Variants in VPS41 observed in about 807,000 individuals in gnomAD.
The protein encoded by VPS41 is VPS41 subunit of HOPS complex.
A neutral mutation model predicts 130.9 loss-of-function variants in VPS41; 85 were observed. The observed-to-expected ratio is 0.65, with a 90% CI of 0.55 to 0.78. The LOEUF (loss-of-function observed/expected upper bound fraction) is 0.78, where lower values mean the gene tolerates loss of function less well. VPS41 is among the 30% of genes least tolerant of loss of function. The pLI, the probability that VPS41 is intolerant of heterozygous loss-of-function variation, is 0.00. For synonymous variants in VPS41, 335 were observed against 332.9 expected, an observed-to-expected ratio of 1.01 and a Z score of -0.07; for missense variants, 874 against 1,018.7, an observed-to-expected ratio of 0.86 and a Z score of 1.93.
At chr7:38,869,290 GATTT>G (rs768004530) in intron 2 of VPS41, 37 bp from the exon 3 acceptor site, 2 of 1,477,210 alleles carry the variant, frequency 1.4e-6, no homozygotes, top group Non-Finnish European at 1.9e-6. Flanking sequence ...ACCCGTCAGA[GATTT>G]ATTTGTTTTG....
intron 4 of VPS41, among the ~76,000 whole-genome samples, chr7:38,836,701 T>C (rs1785503071): frequency 6.6e-6 from 1 of 151,976 alleles, no homozygotes; most frequent in Non-Finnish European, 1.5e-5. Context: ...TGTGCATAAA[T>C]TGTAGGTAAA....
chr7:38,868,799 G>T (rs1191980444), intron 3 of VPS41, among the ~76,000 whole-genome samples: 1 of 152,098 alleles, frequency 6.6e-6, no homozygotes, highest in East Asian at 1.9e-4. Flanking sequence ...TAAAAGCACT[G>T]AGCTTCCCAT....
At chr7:38,736,106 T>C (rs1458488707) in intron 25 of VPS41, among the ~76,000 whole-genome samples, 2 of 152,242 alleles carry the variant, frequency 1.3e-5, no homozygotes, top group African/African-American at 4.8e-5. Flanking sequence ...TAACATTAAA[T>C]ATGCAGCTGT....
At chr7:38,776,903 T>G in intron 10 of VPS41, 127 bp from the exon 11 acceptor site, 1 of 524,858 alleles carries the variant, frequency 1.9e-6, no homozygotes, top group Non-Finnish European at 3.5e-6. Context: ...GGGACACCGT[T>G]GAACATACTT....
At chr7:38,884,121 T>C (rs1029809190) in intron 2 of VPS41, among the ~76,000 whole-genome samples, 3 of 152,230 alleles carry the variant, frequency 2.0e-5, no homozygotes, top group East Asian at 1.9e-4. Context: ...TTTCAATAAA[T>C]GATTCATAAT....
intron 4 of VPS41, among the ~76,000 whole-genome samples, chr7:38,848,389 T>A (rs1043777442): frequency 7.9e-5 from 12 of 152,066 alleles, no homozygotes; most frequent in South Asian, 2.1e-4. Flanking sequence ...AAGCTTCTCT[T>A]TTTTTCCCCT....
chr7:38,853,418 CAAAA>C (rs57368681), intron 4 of VPS41, among the ~76,000 whole-genome samples: 1 of 78,940 alleles, frequency 1.3e-5, no homozygotes. Flanking sequence ...GACTCCTTCT[CAAAA>C]AAAAAAAAAA....
intron 1 of VPS41, among the ~76,000 whole-genome samples, chr7:38,902,562 G>A (rs959503438): frequency 5.3e-5 from 8 of 152,120 alleles, no homozygotes; most frequent in African/African-American, 1.7e-4. Context: ...GCAGCTGAGC[G>A]GTTACACCCA....
chr7:38,810,041 T>C (rs1487897866), intron 7 of VPS41, among the ~76,000 whole-genome samples: 3 of 152,100 alleles, frequency 2.0e-5, no homozygotes, highest in Non-Finnish European at 2.9e-5. Flanking sequence ...ACAAAAAAAA[T>C]TCATTGGTTC....
chr7:38,890,694 T>C (rs1257594612), intron 2 of VPS41, among the ~76,000 whole-genome samples: 2 of 152,130 alleles, frequency 1.3e-5, no homozygotes, highest in Non-Finnish European at 2.9e-5. Flanking sequence ...CCCTTTTTTT[T>C]TTTCTTTTAG....
intron 2 of VPS41, among the ~76,000 whole-genome samples, chr7:38,893,278 C>T (rs148169289): frequency 1.4e-3 from 207 of 152,334 alleles, no homozygotes; most frequent in Middle Eastern, 6.8e-3. Flanking sequence ...AGTCTCTGCA[C>T]ATACATTCCC....
intron 5 of VPS41, among the ~76,000 whole-genome samples, chr7:38,829,222 C>T (rs1785337565): frequency 1.3e-5 from 2 of 152,150 alleles, no homozygotes; most frequent in Admixed American, 1.3e-4. Flanking sequence ...GTTCCAATTA[C>T]TGTTTCAAAA....
intron 9 of VPS41, among the ~76,000 whole-genome samples, chr7:38,792,871 G>C (rs1224844601): frequency 6.6e-6 from 1 of 151,766 alleles, no homozygotes; most frequent in African/African-American, 2.4e-5. Context: ...CACTCACTCT[G>C]ACACAAACAG....
intron 9 of VPS41, among the ~76,000 whole-genome samples, chr7:38,794,265 G>A (rs980524615): frequency 5.9e-5 from 9 of 152,086 alleles, no homozygotes; most frequent in African/African-American, 1.2e-4. Flanking sequence ...TCCATCCTAC[G>A]ATATAGGCAC....
chr7:38,846,206 A>G (rs1785720097), intron 4 of VPS41, among the ~76,000 whole-genome samples: 1 of 152,250 alleles, frequency 6.6e-6, no homozygotes, highest in African/African-American at 2.4e-5. Flanking sequence ...TACTTTGAAC[A>G]CAACTCTATT....
intron 4 of VPS41, among the ~76,000 whole-genome samples, chr7:38,850,126 A>G (rs1245499887): frequency 6.6e-6 from 1 of 152,338 alleles, no homozygotes; most frequent in Non-Finnish European, 1.5e-5. Context: ...AGTTGTGTCC[A>G]AACTTTCTAT....
At chr7:38,743,684 G>A (rs2115648363) in intron 23 of VPS41, 142 bp from the exon 24 acceptor site, 1 of 913,610 alleles carries the variant, frequency 1.1e-6, no homozygotes, top group East Asian at 2.6e-5. Context: ...AACATTTACT[G>A]TCTATAACAT....
At chr7:38,851,323 CCT>C (rs2116264981) in intron 4 of VPS41, among the ~76,000 whole-genome samples, 1 of 152,294 alleles carries the variant, frequency 6.6e-6, no homozygotes, top group East Asian at 1.9e-4. Flanking sequence ...TAATTCTTTT[CCT>C]CTGAGATGAA....
intron 25 of VPS41, among the ~76,000 whole-genome samples, chr7:38,736,636 A>G (rs1795773618): frequency 6.6e-6 from 1 of 152,250 alleles, no homozygotes; most frequent in South Asian, 2.1e-4. Flanking sequence ...TGAGAGATAC[A>G]CAGGATATGA....
Sources: allele counts gnomAD v4.1 joint callset (sites outside exome capture counted in the v4.1 genomes callset), GRCh38; gene constraint gnomAD v4.1.1; transcripts MANE v1.5; gene names NCBI Gene and HGNC (gene_info 2026-07-23, HGNC 2026-07-21).